Variants in TONSL observed in about 807,000 individuals in gnomAD.
TONSL encodes the protein tonsoku-like protein.
TONSL carries 112 observed loss-of-function variants against 147.1 expected under a neutral mutation model. The ratio of observed to expected loss-of-function variants is 0.76; its 90% CI spans 0.65 to 0.89. The LOEUF (loss-of-function observed/expected upper bound fraction) is 0.89, where lower values mean the gene tolerates loss of function less well. Ranked by LOEUF, TONSL falls within the 40% of genes least tolerant of loss-of-function variation. The probability of loss-of-function intolerance (pLI) is 0.00; values close to 1 mark genes in which losing one functional copy is unlikely to be tolerated. For synonymous variants in TONSL, 868 were observed against 801.5 expected, an observed-to-expected ratio of 1.08 and a Z score of -1.40; for missense variants, 1,883 against 1,864.6, an observed-to-expected ratio of 1.01 and a Z score of -0.18.
chr8:144,440,164 GGCTGCA>G lies in TONSL; in HGVS notation c.1331_1336del (p.Leu444_Gln445del). On this transcript the variant is annotated inframe_deletion, in exon 11 of 26. Coordinates refer to ENST00000409379, the MANE Select transcript of TONSL (RefSeq NM_013432.5). Reference sequence around the variant, plus strand: ...GGTTTCGGTCTCAGGGGCCTCCTGGGGCTGCAGCCTCAGCTGCACGGTATGGAGATG... The same window carrying G: ...GGTTTCGGTCTCAGGGGCCTCCTGGGGCCTCAGCTGCACGGTATGGAGATG... The G allele has an allele frequency of 1.2e-6, 2 of 1,610,764 alleles. No homozygotes were observed. The highest frequency in any genetic ancestry group is 1.7e-6 in the Non-Finnish European group (2 of 1,179,248).
At chr8:144,433,384 T>C in intron 22 of TONSL, 1 of 571,574 alleles carries the variant, frequency 1.7e-6, no homozygotes, top group Admixed American at 3.4e-5. Context: ...CCTAGACGCT[T>C]TTTTCTTAAG....
chr8:144,429,132 C>T lies in TONSL; in HGVS notation c.*11G>A. ...GGGCTTCGGTGAGGGTGGGGAAAGG[C>T]AGCGCCAGGGTCAGAGGCGCCGAAA... On this transcript the variant is annotated 3_prime_UTR_variant, in exon 26 of 26. Transcript: ENST00000409379. 6.6e-7 allele frequency: 1 copy of T among 1,514,686 alleles called. No homozygotes were observed. Among genetic ancestry groups the T allele is most frequent in the Non-Finnish European group, 8.8e-7 (1 of 1,136,580 alleles). The allele number at this position is 1,514,686 out of a possible 1,614,324, so 93.8% of individuals were successfully genotyped here.
rs1304771971 is a variant in TONSL, at chr8:144,438,451, C to T, written c.1653+20G>A. The T allele has an allele frequency of 5.6e-6, 9 of 1,609,472 alleles. No homozygotes were observed. The highest frequency in any genetic ancestry group is 5.3e-5 in the African/African-American group (4 of 74,900). ...CCTCCATGCTAGGCAGCCTGTCCCA[C>T]GTCCCAGAGCGGGGCCCACCTGCCT... On this transcript the variant is annotated intron_variant, in intron 13 of 25. Coordinates refer to ENST00000409379, the MANE Select transcript of TONSL (RefSeq NM_013432.5).
chr8:144,437,141 A>C, intron 13 of TONSL, 42 bp from the exon 14 acceptor site: 2 of 1,592,804 alleles, frequency 1.3e-6, no homozygotes, highest in Non-Finnish European at 1.7e-6. Flanking sequence ...TGTGTACCTC[A>C]CAGCCTGGCC....
chr8:144,435,539 C>A lies in TONSL; in HGVS notation c.2787G>T (p.Pro929=), dbSNP rs983825450. ...GAACTCGAACCCGGATGGGAGGGGGCGGGGCCGGACCCTGGCAGGTGAAGG... is the reference window on the plus strand; with the variant it reads ...GAACTCGAACCCGGATGGGAGGGGGAGGGGCCGGACCCTGGCAGGTGAAGG... ...SAAGQPLGPA[P]PPPIRVRVQV... The change falls in exon 18 of 26, where the codon CCG becomes CCT. Residue 929 remains proline, a synonymous_variant. Transcript: ENST00000409379. The A allele has an allele frequency of 1.3e-6, 2 of 1,550,532 alleles. No individual in the cohort carries two copies. The highest frequency in any genetic ancestry group is 2.4e-5 in the South Asian group (2 of 84,302).
Position 144,443,945 on chromosome 8 carries a change from G to C in TONSL, c.201C>G (p.Ala67=). 1 of 1,543,902 alleles carries C rather than the reference G, an allele frequency of 6.5e-7. No individual in the cohort carries two copies. Among genetic ancestry groups the C allele is most frequent in the Non-Finnish European group, 8.7e-7 (1 of 1,146,684 alleles). Residue 67 remains alanine (A), a synonymous_variant, in exon 3 of 26, where the codon GCC becomes GCG. Coordinates refer to ENST00000409379, the MANE Select transcript of TONSL (RefSeq NM_013432.5). ...GCTCTCCGATCTTGCGGTGGGCCAC[G>C]GCACAGCCCAGAGGGTCGTCAGCGC... is the stretch of plus-strand genomic sequence containing the variant. The part of the protein sequence containing the change: ...RERADDPLGC[A]VAHRKIGERL...
At chr8:144,442,194 GCCCGAATCTA>G (rs1823745681) in intron 6 of TONSL, 37 bp downstream of exon 6, 2 of 1,594,754 alleles carry the variant, frequency 1.3e-6, no homozygotes, top group Admixed American at 1.7e-5. Flanking sequence ...AATCCCCAAG[GCCCGAATCTA>G]CGAGAGCCTG....
chr8:144,432,302 A>G lies in TONSL; in HGVS notation c.3718T>C (p.Phe1240Leu). 1 of 1,613,742 alleles carries G rather than the reference A, an allele frequency of 6.2e-7. No homozygotes were observed. The highest frequency in any genetic ancestry group is 8.5e-7 in the Non-Finnish European group (1 of 1,179,916). Residue 1240 changes from phenylalanine to leucine, a missense_variant, in exon 23 of 26, where the codon TTC (phenylalanine) becomes CTC (leucine). Transcript: ENST00000409379. ...KGDSDLMEPV[F>L]RYLAKEGCAL... ...CCTCGTACCTTGGCCAGGTATCGGA[A>G]TACAGGCTCCATGAGGTCCGAATCA...
At chr8:144,437,226 T>A (rs1368432679) in intron 13 of TONSL, 127 bp from the exon 14 acceptor site, 2 of 875,690 alleles carry the variant, frequency 2.3e-6, no homozygotes, top group Non-Finnish European at 3.6e-6. Flanking sequence ...TCCGTGGCCC[T>A]GCCCTCTCCT....
Position 144,442,641 on chromosome 8 carries a change from G to A in TONSL, c.578+36C>T, listed in dbSNP as rs748154060. The A allele has an allele frequency of 3.1e-6, 5 of 1,599,182 alleles. No individual in the cohort carries two copies. In the South Asian group the frequency reaches 5.6e-5, roughly 18 times the overall value. On this transcript the variant is annotated intron_variant, in intron 5 of 25. Transcript: ENST00000409379. ...CTAACTACTTCCTCCAGGAACAAGG[G>A]ACTCCACTCCCTCCTGGGGCGGGGC... is the stretch of plus-strand genomic sequence containing the variant.
At chr8:144,439,642 C>T (rs1192335136) in intron 11 of TONSL, among the ~76,000 whole-genome samples, 1 of 152,256 alleles carries the variant, frequency 6.6e-6, no homozygotes, top group Non-Finnish European at 1.5e-5. Flanking sequence ...CAGCTGATGT[C>T]GCCAGCCTCT....
rs1554881132 is a variant in TONSL, at chr8:144,442,253, C to T, written c.738G>A (p.Val246=). ...RKRFMESECC[V]VIAQVLQDLG... is the part of the protein sequence containing the mutation. The stretch of plus-strand genomic sequence containing the variant: ...GCACAGCGGGTACCTGTGCAATAAC[C>T]ACGCAGCACTCGCTCTCCATGAACC... The change falls in exon 6 of 26, where the codon GTG becomes GTA. Residue 246 remains valine, a synonymous_variant. Transcript: ENST00000409379. The T allele has an allele frequency of 6.3e-7, 1 of 1,588,860 alleles. No individual in the cohort carries two copies. The highest frequency in any genetic ancestry group is 1.7e-5 in the Admixed American group (1 of 58,182).
intron 2 of TONSL, 66 bp downstream of exon 2, chr8:144,444,113 CG>C: frequency 7.7e-7 from 1 of 1,305,116 alleles, no homozygotes; most frequent in Non-Finnish European, 9.7e-7. Flanking sequence ...CGTCGCCCCC[CG>C]GCCCCCGATC....
In TONSL at chr8:144,440,949, C is replaced by T; in HGVS notation, c.1011+17G>A. 1 of 1,613,084 alleles carries T rather than the reference C, an allele frequency of 6.2e-7. No homozygotes were observed. On this transcript the variant is annotated intron_variant, in intron 8 of 25. Coordinates refer to ENST00000409379, the MANE Select transcript of TONSL (RefSeq NM_013432.5). ...ACCTCACTGGCCCTTCCCTCCCACC[C>T]AGCCGGGGCCACACACCTGCTTCTG...
At chr8:144,437,188 G>A in intron 13 of TONSL, 89 bp from the exon 14 acceptor site, 2 of 1,349,518 alleles carry the variant, frequency 1.5e-6, no homozygotes, top group Non-Finnish European at 2.1e-6. Context: ...GCTGAGCCCA[G>A]GGCCTCAGTC....
chr8:144,433,335 C>G (rs949011823), intron 22 of TONSL: 253 of 393,946 alleles, frequency 6.4e-4, no homozygotes, highest in Non-Finnish European at 1.0e-3. Context: ...CTTGGCCTCC[C>G]AAAGTGCTGG....
Position 144,434,230 on chromosome 8 carries a change from G to C in TONSL, c.3135C>G (p.Leu1045=). 1 of 1,548,726 alleles carries C rather than the reference G, an allele frequency of 6.5e-7. No individual in the cohort carries two copies. Among genetic ancestry groups the C allele is most frequent in the Non-Finnish European group, 8.7e-7 (1 of 1,144,948 alleles). The part of the protein sequence containing the change: ...LQAVELQGLG[L]SFSACSLALD... Reference sequence around the variant, plus strand: ...GGGCCAGGGAGCAGGCGCTGAACGAGAGGCCCAAGCCCTGGAGCTCCACGG... The same window carrying C: ...GGGCCAGGGAGCAGGCGCTGAACGACAGGCCCAAGCCCTGGAGCTCCACGG... Residue 1045 remains leucine, a synonymous_variant, in exon 21 of 26, where the codon CTC becomes CTG. Transcript: ENST00000409379.
rs762418328 is a variant in TONSL, at chr8:144,442,167, C to A, written c.751-16G>T. On this transcript the variant is annotated splice_polypyrimidine_tract_variant and intron_variant, in intron 6 of 25. Transcript: ENST00000409379. ...CTTGGAGGACCTGGAGAGCAAAGGA[C>A]AGCAAAGGTTTTGCAGAATCCCCAA... 6.2e-7 allele frequency: 1 copy of A among 1,605,634 alleles called. No homozygotes were observed. The highest frequency in any genetic ancestry group is 8.5e-7 in the Non-Finnish European group (1 of 1,175,408).
At position 144,434,146 on chromosome 8, in the gene TONSL, C is replaced by T; in HGVS notation, c.3219G>A (p.Arg1073=). The change falls in exon 21 of 26, where the codon CGG becomes CGA. Residue 1073 remains arginine, a synonymous_variant. Transcript: ENST00000409379. ...GCCGGTTCCCTGCCAGGCGCAGCTC[C>T]CGGAGTGCTGTGTGCAGCTTGAGGG... ...LRALKLHTAL[R]ELRLAGNRLG... 6.2e-7 allele frequency: 1 copy of T among 1,611,640 alleles called. No individual in the cohort carries two copies.
Sources: allele counts gnomAD v4.1 joint callset (sites outside exome capture counted in the v4.1 genomes callset), GRCh38; gene constraint gnomAD v4.1.1; transcripts MANE v1.5; gene names NCBI Gene and HGNC (gene_info 2026-07-23, HGNC 2026-07-21).